PTPN7: variants seen among roughly 807,000 people sequenced by gnomAD.
The protein encoded by PTPN7 is tyrosine-protein phosphatase non-receptor type 7.
A neutral mutation model predicts 50.3 loss-of-function variants in PTPN7; 33 were observed. The observed-to-expected ratio is 0.66, with a 90% CI of 0.50 to 0.88. The LOEUF (loss-of-function observed/expected upper bound fraction) is 0.88. PTPN7 is among the 40% of genes least tolerant of loss of function. PTPN7 has a pLI of 0.00. For missense variants in PTPN7, 412 were observed against 475.4 expected, an observed-to-expected ratio of 0.87 and a Z score of 1.24; for synonymous variants, 185 against 186.6, an observed-to-expected ratio of 0.99 and a Z score of 0.07.
At chr1:202,150,471 A>T in intron 8 of PTPN7, 47 bp from the exon 9 acceptor site, 1 of 1,458,766 alleles carries the variant, frequency 6.9e-7, no homozygotes, top group South Asian at 1.2e-5. Flanking sequence ...GAGACCAGGG[A>T]ATATGAGAGC....
chr1:202,152,213 T>G (rs1313966789), intron 8 of PTPN7, among the ~76,000 whole-genome samples: 5 of 152,192 alleles, frequency 3.3e-5, no homozygotes, highest in Non-Finnish European at 7.4e-5. Flanking sequence ...GCCCGGCCAA[T>G]AATAGGATTT....
Position 202,159,563 on chromosome 1 carries a change from T to G in PTPN7, c.-52-109A>C, listed in dbSNP as rs753374578. On this transcript the variant is annotated intron_variant, in intron 1 of 9. Coordinates refer to ENST00000691036, the MANE Select transcript of PTPN7 (RefSeq NM_002832.4). The surrounding 1 kb of genome is among the most constrained non-coding windows in gnomAD (Gnocchi z 4.6). ...TCTGTTTTCACTGGGGCGTCTTCTG[T>G]TCCCCAAGAGGTGGCCTCATTTTCA... 2.7e-6 allele frequency: 4 copies of G among 1,502,882 alleles called. No individual in the cohort carries two copies. Among genetic ancestry groups the G allele is most frequent in the Non-Finnish European group, 3.5e-6 (4 of 1,129,042 alleles). 93.1% of individuals were successfully genotyped at this position (1,502,882 alleles called of 1,614,324 possible). A position where few individuals can be genotyped will look rare whatever the true frequency, so the allele number is the denominator to read the frequency against.
In PTPN7 at chr1:202,157,892, A is replaced by G. The variant is rs1338802878; in HGVS notation, c.307-69T>C. On this transcript the variant is annotated intron_variant, in intron 3 of 9. Coordinates refer to ENST00000691036, the MANE Select transcript of PTPN7 (RefSeq NM_002832.4). ...CTTTTCTCTCCTTCTACCTTTTTCT[A>G]GAACAGCTGGACTCTGGCCATTCCT... is the stretch of plus-strand genomic sequence containing the variant. The G allele has an allele frequency of 3.3e-6, 5 of 1,507,708 alleles. No individual in the cohort carries two copies. The African/African-American group carries it at 5.5e-5, about 17-fold the overall frequency. 93.4% of individuals were successfully genotyped at this position (1,507,708 alleles called of 1,614,324 possible).
In PTPN7 at chr1:202,160,524, G is replaced by T. The variant is rs1350834236; in HGVS notation, c.-53+21C>A. On this transcript the variant is annotated intron_variant, in intron 1 of 9. Transcript: ENST00000691036. The surrounding 1 kb of genome is among the most constrained non-coding windows in gnomAD (Gnocchi z 4.8). ...ACCCCCCGGGGCCACAGGACTCCCA[G>T]TCCCCCCTTCAGATACTTACTGAAG... is the stretch of plus-strand genomic sequence containing the variant. 1.3e-6 allele frequency: 2 copies of T among 1,536,120 alleles called. No homozygotes were observed. The highest frequency in any genetic ancestry group is 1.8e-6 in the Non-Finnish European group (2 of 1,135,868).
Position 202,149,820 on chromosome 1 carries a change from C to CTTT in PTPN7, c.989+488_989+490dup, listed in dbSNP as rs796249545. On this transcript the variant is annotated intron_variant, in intron 9 of 9. Coordinates refer to ENST00000691036, the MANE Select transcript of PTPN7 (RefSeq NM_002832.4). ...CAAGCCAACATTCCAGACAGATATTCTTTTTTTTGTTTTTTTTTTTTTTTT... is the reference window on the plus strand; with the variant it reads ...CAAGCCAACATTCCAGACAGATATTCTTTTTTTTTTTGTTTTTTTTTTTTTTTT... 14 of 123,192 alleles carry CTTT rather than the reference C, an allele frequency of 1.1e-4. 1 individual carries two copies. Among genetic ancestry groups the CTTT allele is most frequent in the African/African-American group, 4.5e-4 (14 of 31,162 alleles). The allele number at this position is 123,192 out of a possible 1,614,324, so 7.6% of individuals were successfully genotyped here.
intron 8 of PTPN7, among the ~76,000 whole-genome samples, chr1:202,150,845 G>A (rs1655930007): frequency 6.6e-6 from 1 of 152,022 alleles, no homozygotes; most frequent in Non-Finnish European, 1.5e-5. Flanking sequence ...CGGCCCCTCT[G>A]TTTCCCACCT....
Position 202,159,430 on chromosome 1 carries a change from A to G in PTPN7, c.-28T>C. On this transcript the variant is annotated 5_prime_UTR_variant, in exon 2 of 10. Coordinates refer to ENST00000691036, the MANE Select transcript of PTPN7 (RefSeq NM_002832.4). This position sits in a 1 kb window ranked among gnomAD's most constrained non-coding sequence, Gnocchi z 4.6. Reference sequence around the variant, plus strand: ...TGAGGTGGGGTGCTGGGCCCAGGGGAGGCTCACTCAGCCATGAGGTCTGCC... The same window carrying G: ...TGAGGTGGGGTGCTGGGCCCAGGGGGGGCTCACTCAGCCATGAGGTCTGCC... 1 of 1,613,794 alleles carries G rather than the reference A, an allele frequency of 6.2e-7. No homozygotes were observed. The highest frequency in any genetic ancestry group is 8.5e-7 in the Non-Finnish European group (1 of 1,179,772).
Position 202,159,760 on chromosome 1 carries a change from A to G in PTPN7, c.-52-306T>C. On this transcript the variant is annotated intron_variant, in intron 1 of 9. Transcript: ENST00000691036. This position sits in a 1 kb window ranked among gnomAD's most constrained non-coding sequence, Gnocchi z 4.6. ...CACCAGAGTACACAGGGCTCTGAGC[A>G]GGTCCAAGTGGGAGAAGGCAAGGGA... The G allele has an allele frequency of 7.8e-7, 1 of 1,278,434 alleles. No individual in the cohort carries two copies. Among genetic ancestry groups the G allele is most frequent in the Non-Finnish European group, 9.9e-7 (1 of 1,012,098 alleles). The allele number at this position is 1,278,434 out of a possible 1,614,324, so 79.2% of individuals were successfully genotyped here. A position where few individuals can be genotyped will look rare whatever the true frequency, so the allele number is the denominator to read the frequency against.
At position 202,159,730 on chromosome 1, in the gene PTPN7, C is replaced by G; in HGVS notation, c.-52-276G>C. 7.4e-7 allele frequency: 1 copy of G among 1,356,270 alleles called. No homozygotes were observed. The highest frequency in any genetic ancestry group is 9.5e-7 in the Non-Finnish European group (1 of 1,055,348). 84.0% of individuals were successfully genotyped at this position (1,356,270 alleles called of 1,614,324 possible). ...GAGGAAAAGAGAGAGGGGAGAGAGG[C>G]CACACACCAGAGTACACAGGGCTCT... On this transcript the variant is annotated intron_variant, in intron 1 of 9. Transcript: ENST00000691036. This position sits in a 1 kb window ranked among gnomAD's most constrained non-coding sequence, Gnocchi z 4.6.
chr1:202,161,279 G>A (rs1657349786), upstream of PTPN7: 1 of 1,145,946 alleles, frequency 8.7e-7, no homozygotes, highest in African/African-American at 1.6e-5. Context: ...CCAGCAGGAA[G>A]CAGATAGCAG....
At chr1:202,149,829 G>GTTTTTTTTTTTT (rs67499965) in intron 9 of PTPN7, 5 of 92,912 alleles carry the variant, frequency 5.4e-5, no homozygotes, top group Non-Finnish European at 1.0e-4. Flanking sequence ...TCTTTTTTTT[G>GTTTTTTTTTTTT]TTTTTTTTTT....
chr1:202,161,419 G>T (rs1657362475), upstream of PTPN7: 5 of 1,288,368 alleles, frequency 3.9e-6, no homozygotes, highest in Non-Finnish European at 4.0e-6. Flanking sequence ...CTCACACCAG[G>T]GGACTCCCAT....
In PTPN7 at chr1:202,152,748, G is replaced by C. The variant is rs760077415; in HGVS notation, c.718-49C>G. ...AACCAAGGTCAGGGTGGAGGGCACTGTCTACCTTCTTCTCTGGTGCCTGAG... is the reference window on the plus strand; with the variant it reads ...AACCAAGGTCAGGGTGGAGGGCACTCTCTACCTTCTTCTCTGGTGCCTGAG... On this transcript the variant is annotated intron_variant, in intron 7 of 9. Coordinates refer to ENST00000691036, the MANE Select transcript of PTPN7 (RefSeq NM_002832.4). 38 of 1,588,116 alleles carry C rather than the reference G, an allele frequency of 2.4e-5. No homozygotes were observed. The Admixed American group carries it at 6.1e-4, about 25-fold the overall frequency.
Position 202,155,572 on chromosome 1 carries a change from G to A in PTPN7, c.429C>T (p.Ser143=), listed in dbSNP as rs1476094260. ...QSRVCLGRAQ[S]QEDGDYINAN... ...CATTGATGTAATCTCCGTCCTCCTG[G>A]CTCTGTGCCCGGCCTAGACAGACAC... The change falls in exon 5 of 10, where the codon AGC becomes AGT. Residue 143 remains serine, a synonymous_variant. Coordinates refer to ENST00000691036, the MANE Select transcript of PTPN7 (RefSeq NM_002832.4). The A allele has an allele frequency of 6.3e-7, 1 of 1,575,028 alleles. No individual in the cohort carries two copies. The highest frequency in any genetic ancestry group is 1.7e-5 in the Admixed American group (1 of 59,950).
At chr1:202,154,349 G>A in intron 5 of PTPN7, 26 bp from the exon 6 acceptor site, 1 of 1,599,268 alleles carries the variant, frequency 6.3e-7, no homozygotes, top group Non-Finnish European at 8.5e-7. Context: ...ACAGGGGAAG[G>A]GGTGGGGAGC....
intron 8 of PTPN7, 111 bp from the exon 9 acceptor site, chr1:202,150,535 G>T: frequency 1.2e-6 from 1 of 815,404 alleles, no homozygotes; most frequent in South Asian, 1.6e-5. Flanking sequence ...ATATTTTGGG[G>T]ATAGGGCTCT....
chr1:202,148,522 C>A lies in PTPN7; in HGVS notation c.*84G>T. On this transcript the variant is annotated 3_prime_UTR_variant, in exon 10 of 10. Coordinates refer to ENST00000691036, the MANE Select transcript of PTPN7 (RefSeq NM_002832.4). ...CCCACACCAACCCAAGGGGTACCCC[C>A]AGATCACTCGGCCCACTTTCCCCAG... The A allele has an allele frequency of 7.8e-7, 1 of 1,274,674 alleles. No individual in the cohort carries two copies. The highest frequency in any genetic ancestry group is 1.1e-6 in the Non-Finnish European group (1 of 898,532). The allele number at this position is 1,274,674 out of a possible 1,614,324, so 79.0% of individuals were successfully genotyped here.
Position 202,148,290 on chromosome 1 carries a change from G to T in PTPN7, c.*316C>A. ...ACAAAGAGTGTCTCAGAGAACACCA[G>T]GACACCTGGGCTTCTTTCTTTGTCT... On this transcript the variant is annotated 3_prime_UTR_variant, in exon 10 of 10. Transcript: ENST00000691036. 1 of 266,458 alleles carries T rather than the reference G, an allele frequency of 3.8e-6. No homozygotes were observed. The highest frequency in any genetic ancestry group is 7.1e-6 in the Non-Finnish European group (1 of 141,094). 16.5% of individuals were successfully genotyped at this position (266,458 alleles called of 1,614,324 possible).
chr1:202,158,463 C>T, intron 2 of PTPN7, 162 bp from the exon 3 acceptor site: 1 of 657,262 alleles, frequency 1.5e-6, no homozygotes, highest in Admixed American at 3.1e-5. Flanking sequence ...TGGGCTGAAG[C>T]AATCCTCCCA....
Sources: gnomAD v4.1 joint callset for allele counts (sites outside exome capture counted in the v4.1 genomes callset) on GRCh38, gnomAD v4.1.1 for gene constraint, Gnocchi (gnomAD v3.1) non-coding constraint, MANE v1.5 for transcripts, NCBI Gene and HGNC (gene_info 2026-07-23, HGNC 2026-07-21) for gene names.